The following RP1 variants were observed in gnomAD, a reference collection of about 807,000 sequenced individuals.
RP1 encodes RP1 axonemal microtubule associated.
A neutral mutation model predicts 14.8 loss-of-function variants in RP1; 16 were observed. The ratio of observed to expected loss-of-function variants is 1.08; its 90% CI spans 0.73 to 1.65. The LOEUF (loss-of-function observed/expected upper bound fraction) is 1.65. RP1 is among the 40% of genes most tolerant of loss of function. RP1 has a pLI of 0.00. For missense variants in RP1, 2,631 were observed against 2,535.0 expected (o/e 1.04, Z -0.81); for synonymous variants, 876 against 883.6 (o/e 0.99, Z 0.15).
chr8:54,666,975 C>T (rs1585591736), intron 7 of RP1, among the ~76,000 whole-genome samples: 2 of 152,000 alleles, frequency 1.3e-5, no homozygotes, highest in Middle Eastern at 3.4e-3. Flanking sequence ...TGAATAGGCA[C>T]CTGGACCTCA....
At chr8:54,740,322 A>G (rs1585651220) in intron 19 of RP1, among the ~76,000 whole-genome samples, 1 of 145,510 alleles carries the variant, frequency 6.9e-6, no homozygotes, top group South Asian at 2.3e-4. Context: ...TAAGGCAGTG[A>G]TATGGGTGAA....
intron 3 of RP1, among the ~76,000 whole-genome samples, chr8:54,638,641 C>A (rs1238638833): frequency 2.0e-5 from 3 of 152,070 alleles, no homozygotes; most frequent in Non-Finnish European, 4.4e-5. Flanking sequence ...GCTTTTAGGA[C>A]CATCTGTTTA....
At chr8:54,847,861 C>T (rs1205016791) in intron 25 of RP1, among the ~76,000 whole-genome samples, 1 of 152,214 alleles carries the variant, frequency 6.6e-6, no homozygotes, top group African/African-American at 2.4e-5. Flanking sequence ...GGGCTAGTCC[C>T]CGGAGCAGTG....
intron 3 of RP1, among the ~76,000 whole-genome samples, chr8:54,642,449 G>GT (rs1441236719): frequency 2.6e-5 from 4 of 152,006 alleles, no homozygotes; most frequent in South Asian, 2.1e-4. Context: ...ATCTTAAGGC[G>GT]TTTTTTCTAA....
chr8:54,756,670 A>G (rs1287567340), intron 21 of RP1, among the ~76,000 whole-genome samples: 2 of 152,196 alleles, frequency 1.3e-5, no homozygotes, highest in Non-Finnish European at 1.5e-5. Context: ...ATATTACGCT[A>G]AGTGATCAGC....
chr8:54,625,465 A>C lies in RP1; in HGVS notation c.1583A>C (p.Glu528Ala). The change falls in exon 4 of 4, where the codon GAG becomes GCG. Residue 528 changes from glutamate to alanine, a missense_variant. Transcript: ENST00000220676. ...VQINNNDQME[E>A]SSLERKKENS... ...ATCAATAACAATGATCAAATGGAGG[A>C]GTCATCATTAGAAAGAAAAAAGGAA... 1 of 1,614,010 alleles carries C rather than the reference A, an allele frequency of 6.2e-7. No homozygotes were observed. Among genetic ancestry groups the C allele is most frequent in the Non-Finnish European group, 8.5e-7 (1 of 1,180,010 alleles).
intron 26 of RP1, among the ~76,000 whole-genome samples, chr8:54,853,882 A>T (rs1358513476): frequency 6.8e-6 from 1 of 147,292 alleles, no homozygotes; most frequent in African/African-American, 2.6e-5. Context: ...AAAAAGAAAG[A>T]AAAAAAGAAA....
intron 27 of RP1, among the ~76,000 whole-genome samples, chr8:54,860,554 C>G (rs1169783961): frequency 6.6e-6 from 1 of 152,202 alleles, no homozygotes; most frequent in Non-Finnish European, 1.5e-5. Flanking sequence ...GAGATTCTGC[C>G]TGTGTGGGTA....
intron 13 of RP1, among the ~76,000 whole-genome samples, chr8:54,699,938 G>A (rs1807972750): frequency 6.6e-6 from 1 of 152,076 alleles, no homozygotes; most frequent in Admixed American, 6.6e-5. Context: ...TTAATGTAAT[G>A]CATACATGTT....
chr8:54,630,467 A>G lies in RP1; in HGVS notation c.*114A>G. ...AGAATTTTCCACTTCTTCAAAATGA[A>G]CTTACTCTAGAAAGCTTACCCTTGG... On this transcript the variant is annotated 3_prime_UTR_variant, in exon 4 of 4. Coordinates refer to ENST00000220676, the MANE Select transcript of RP1 (RefSeq NM_006269.2). 6.6e-7 allele frequency: 1 copy of G among 1,524,748 alleles called. No individual in the cohort carries two copies. The highest frequency in any genetic ancestry group is 8.8e-7 in the Non-Finnish European group (1 of 1,138,598). The allele number at this position is 1,524,748 out of a possible 1,614,324, so 94.5% of individuals were successfully genotyped here.
intron 12 of RP1, chr8:54,697,014 T>C: frequency 7.0e-7 from 1 of 1,435,336 alleles, no homozygotes; most frequent in Non-Finnish European, 9.7e-7. Flanking sequence ...TCATGGTTCT[T>C]GCACCCTTTC....
chr8:54,692,273 A>T (rs1170888486), intron 12 of RP1, among the ~76,000 whole-genome samples: 4 of 150,294 alleles, frequency 2.7e-5, no homozygotes, highest in Admixed American at 6.7e-5. Context: ...GCAACAATAA[A>T]CATACATGTG....
intron 25 of RP1, among the ~76,000 whole-genome samples, chr8:54,848,173 G>A (rs1811974790): frequency 6.6e-6 from 1 of 152,052 alleles, no homozygotes; most frequent in Non-Finnish European, 1.5e-5. Context: ...GGCATCCTTG[G>A]CAGTCATCTC....
At chr8:54,653,732 A>G (rs1806701333) in intron 5 of RP1, among the ~76,000 whole-genome samples, 1 of 152,220 alleles carries the variant, frequency 6.6e-6, no homozygotes, top group African/African-American at 2.4e-5. Context: ...TGTTGAGGTT[A>G]TATTTTAAAA....
chr8:54,655,787 G>T lies in RP1; in HGVS notation c.1039-296G>T, dbSNP rs113216854. ...AGTCCCAGCTACTCAGGAGGCTGAG[G>T]TGGGAGGATCACTTCAGCCTAGGAG... On this transcript the variant is annotated intron_variant, in intron 5 of 22. Transcript: ENST00000636932. Among the ~76,000 whole-genome samples the T allele has an allele frequency of 7.6e-3, 1,159 of 152,254 alleles. 17 individuals carry two copies. Among genetic ancestry groups the T allele is most frequent in the African/African-American group, 0.026 (1,100 of 41,548 alleles).
chr8:54,700,687 T>A (rs145194345), intron 13 of RP1, among the ~76,000 whole-genome samples: 1 of 152,330 alleles, frequency 6.6e-6, no homozygotes, highest in East Asian at 1.9e-4. Flanking sequence ...CTTAAAGCCC[T>A]TATTCCACTA....
intron 24 of RP1, among the ~76,000 whole-genome samples, chr8:54,805,615 A>T (rs1387713379): frequency 2.0e-5 from 3 of 152,144 alleles, no homozygotes; most frequent in African/African-American, 7.2e-5. Flanking sequence ...AATGCAAGCA[A>T]CCTGGTTGGA....
intron 16 of RP1, among the ~76,000 whole-genome samples, chr8:54,724,420 T>A (rs566700002): frequency 6.6e-6 from 1 of 152,316 alleles, no homozygotes; most frequent in East Asian, 1.9e-4. Context: ...GCTTAAATTT[T>A]GGATATAATG....
intron 15 of RP1, chr8:54,719,998 C>G (rs1001438815): frequency 2.7e-6 from 2 of 747,336 alleles, no homozygotes; most frequent in Non-Finnish European, 4.1e-6. Flanking sequence ...GGGCAATTTA[C>G]GTAAAAAGGC....
Sources: allele counts gnomAD v4.1 joint callset (sites outside exome capture counted in the v4.1 genomes callset), GRCh38; gene constraint gnomAD v4.1.1; transcripts MANE v1.5; gene names NCBI Gene and HGNC (gene_info 2026-07-23, HGNC 2026-07-21).